CYP4X1: variants seen among roughly 807,000 people sequenced by gnomAD.
CYP4X1 encodes the protein cytochrome P450 4X1.
A neutral mutation model predicts 57.9 loss-of-function variants in CYP4X1; 44 were observed. That is an observed-to-expected ratio of 0.76 (90% CI 0.60 to 0.98). The LOEUF is 0.98. CYP4X1 is among the 50% of genes least tolerant of loss of function. CYP4X1 has a pLI of 0.00. For missense variants in CYP4X1, 532 were observed against 623.9 expected (o/e 0.85, Z 1.57); for synonymous variants, 227 against 228.6 (o/e 0.99, Z 0.06).
the CYP4X1 span, among the ~76,000 whole-genome samples, chr1:46,997,684 G>A: frequency 1.3e-5 from 2 of 152,214 alleles, no homozygotes; most frequent in East Asian, 1.9e-4. Flanking sequence ...GTGTCTTTTC[G>A]AGAAAATGAT....
At chr1:47,049,602 A>C in intron 11 of CYP4X1, 98 bp downstream of exon 11, 1 of 1,117,150 alleles carries the variant, frequency 9.0e-7, no homozygotes, top group Non-Finnish European at 1.3e-6. Context: ...CTTCCAGGGA[A>C]CCGTAGATCT....
the CYP4X1 span, chr1:46,961,484 C>G: frequency 1.0e-4 from 116 of 1,109,386 alleles, 4 homozygotes; most frequent in South Asian, 1.9e-3. Context: ...TCACTGGCTT[C>G]CAGAACATTT....
At chr1:47,051,013 A>G (rs892549934), downstream of CYP4X1, among the ~76,000 whole-genome samples, 7 of 152,206 alleles carry the variant, frequency 4.6e-5, no homozygotes, top group Non-Finnish European at 7.4e-5. Context: ...TCCAGAATCT[A>G]CAATGAACTC....
the CYP4X1 span, among the ~76,000 whole-genome samples, chr1:46,996,569 A>C: frequency 6.6e-6 from 1 of 152,242 alleles, no homozygotes; most frequent in African/African-American, 2.4e-5. Context: ...GATATGAATA[A>C]GAGTATAACA....
downstream of CYP4X1, among the ~76,000 whole-genome samples, chr1:47,052,910 ATTTC>A (rs1053069240): frequency 3.3e-5 from 5 of 151,710 alleles, no homozygotes; most frequent in Admixed American, 2.0e-4. Flanking sequence ...GGAATTCTCT[ATTTC>A]TTTTTTTTAT....
chr1:47,006,580 G>A, the CYP4X1 span, among the ~76,000 whole-genome samples: 1 of 152,100 alleles, frequency 6.6e-6, no homozygotes, highest in Non-Finnish European at 1.5e-5. Context: ...GTCAGAGAGT[G>A]GGTTCAGGAC....
the CYP4X1 span, among the ~76,000 whole-genome samples, chr1:46,976,325 C>T: frequency 1.4e-4 from 22 of 152,154 alleles, no homozygotes; most frequent in African/African-American, 4.3e-4. Context: ...GGTCCCATGC[C>T]CATGGAGCCT....
chr1:47,014,748 A>C, the CYP4X1 span, among the ~76,000 whole-genome samples: 1 of 152,028 alleles, frequency 6.6e-6, no homozygotes, highest in Non-Finnish European at 1.5e-5. Flanking sequence ...CCTCTTTTCC[A>C]TCTCCTCTGG....
chr1:46,990,817 G>T, the CYP4X1 span, among the ~76,000 whole-genome samples: 451 of 152,058 alleles, frequency 3.0e-3, 2 homozygotes, highest in Non-Finnish European at 4.1e-3. Context: ...ACCAAACATC[G>T]CATGTTCTCA....
Position 47,030,812 on chromosome 1 carries a change from C to A in CYP4X1, c.320-624C>A, listed in dbSNP as rs187719075. Among the ~76,000 whole-genome samples, 355 of 152,278 alleles carry A rather than the reference C, an allele frequency of 2.3e-3. 1 individual carries two copies. Among genetic ancestry groups the A allele is most frequent in the Non-Finnish European group, 4.3e-3 (290 of 68,018 alleles). On this transcript the variant is annotated intron_variant, in intron 2 of 11. Coordinates refer to ENST00000371901, the MANE Select transcript of CYP4X1 (RefSeq NM_178033.2). ...TAATAAAACCTAATGAAAGAAAGAG[C>A]CTTGCCCTGACTATCTCCATGTTTC...
At chr1:47,000,025 G>A in the CYP4X1 span, among the ~76,000 whole-genome samples, 1 of 152,042 alleles carries the variant, frequency 6.6e-6, no homozygotes. Context: ...ATGTGGTTTG[G>A]CTCTGTACCC....
chr1:47,015,675 C>T, the CYP4X1 span, among the ~76,000 whole-genome samples: 2 of 152,224 alleles, frequency 1.3e-5, no homozygotes, highest in East Asian at 3.9e-4. Flanking sequence ...ATCACTTGAG[C>T]CCAAGAGGTT....
At chr1:46,984,998 C>T in the CYP4X1 span, among the ~76,000 whole-genome samples, 1 of 152,172 alleles carries the variant, frequency 6.6e-6, no homozygotes, top group Non-Finnish European at 1.5e-5. Flanking sequence ...TGAGGTCAAC[C>T]TGGGATGCTC....
chr1:47,052,871 C>T (rs1196904074), downstream of CYP4X1, among the ~76,000 whole-genome samples: 1 of 152,036 alleles, frequency 6.6e-6, no homozygotes, highest in African/African-American at 2.4e-5. Context: ...TGTGATTTGT[C>T]TGTACACTGT....
the CYP4X1 span, among the ~76,000 whole-genome samples, chr1:46,995,273 T>C: frequency 6.6e-6 from 1 of 152,200 alleles, no homozygotes; most frequent in African/African-American, 2.4e-5. Flanking sequence ...CAAATGTTTC[T>C]TGAGCTCATA....
chr1:47,049,909 G>A (rs1569664435), intron 11 of CYP4X1, 91 bp from the exon 12 acceptor site: 3 of 1,291,264 alleles, frequency 2.3e-6, no homozygotes, highest in South Asian at 1.4e-5. Flanking sequence ...TCACTTTACT[G>A]TGTACTTCAG....
chr1:46,980,417 CA>C, the CYP4X1 span, among the ~76,000 whole-genome samples: 3 of 152,148 alleles, frequency 2.0e-5, no homozygotes, highest in African/African-American at 7.2e-5. Flanking sequence ...ATCCAACTTA[CA>C]AGGGATGTGA....
chr1:47,053,716 C>T (rs1644373752), downstream of CYP4X1, among the ~76,000 whole-genome samples: 2 of 152,342 alleles, frequency 1.3e-5, no homozygotes, highest in South Asian at 4.1e-4. Flanking sequence ...TAAATGTCCT[C>T]TTTTGAGAAG....
chr1:46,964,953 C>A, the CYP4X1 span, among the ~76,000 whole-genome samples: 2 of 152,284 alleles, frequency 1.3e-5, no homozygotes, highest in East Asian at 3.9e-4. Context: ...CGCTCCTCCC[C>A]TAGCCTCACT....
Sources: allele counts gnomAD v4.1 joint callset (sites outside exome capture counted in the v4.1 genomes callset), GRCh38; gene constraint gnomAD v4.1.1; transcripts MANE v1.5; gene names NCBI Gene and HGNC (gene_info 2026-07-23, HGNC 2026-07-21).